The following SCN1A variants were observed in gnomAD, a reference collection of about 807,000 sequenced individuals.
SCN1A encodes sodium channel protein type 1 subunit alpha.
In SCN1A, 13 loss-of-function variants were observed where a neutral mutation model predicts 193.7. That is an observed-to-expected ratio of 0.07 (90% CI 0.04 to 0.11). The LOEUF (loss-of-function observed/expected upper bound fraction) is 0.11. Among genes scored for constraint, SCN1A ranks in the 10% least tolerant of loss-of-function variants. The pLI, the probability that SCN1A is intolerant of heterozygous loss-of-function variation, is 1.00. For missense variants in SCN1A, 1,432 were observed against 2,451.1 expected (o/e 0.58, Z 8.78); for synonymous variants, 781 against 843.6 (o/e 0.93, Z 1.29).
In SCN1A at chr2:165,994,422, G is replaced by T. The variant is rs1689727269; in HGVS notation, c.4582-6C>A. On this transcript the variant is annotated splice_region_variant and splice_polypyrimidine_tract_variant and intron_variant, in intron 27 of 28. Coordinates refer to ENST00000674923, the MANE Select transcript of SCN1A (RefSeq NM_001165963.4). ...ACCATTCCTTGAAATTTGTTCTGTA[G>T]AGAAATAGAAATGCTTTTAACAACA... 1 of 1,612,382 alleles carries T rather than the reference G, an allele frequency of 6.2e-7. No individual in the cohort carries two copies. The highest frequency in any genetic ancestry group is 1.3e-5 in the African/African-American group (1 of 74,918).
chr2:166,116,350 C>T (rs529469623), intron 2 of SCN1A, among the ~76,000 whole-genome samples: 2 of 152,284 alleles, frequency 1.3e-5, no homozygotes, highest in African/African-American at 4.8e-5. Context: ...TTATAATCCT[C>T]TGATTTGCTT....
At chr2:166,048,003 G>C (rs185314367) in intron 10 of SCN1A, among the ~76,000 whole-genome samples, 2 of 152,052 alleles carry the variant, frequency 1.3e-5, no homozygotes, top group African/African-American at 4.8e-5. Context: ...AATTTTTGTT[G>C]ATAATTTGCA....
At chr2:166,116,130 T>G (rs1689834627) in intron 2 of SCN1A, among the ~76,000 whole-genome samples, 1 of 152,200 alleles carries the variant, frequency 6.6e-6, no homozygotes, top group Non-Finnish European at 1.5e-5. Context: ...AATAACTGAA[T>G]AGCTTTTACT....
At chr2:166,017,622 T>A (rs757253653) in intron 19 of SCN1A, among the ~76,000 whole-genome samples, 1 of 152,018 alleles carries the variant, frequency 6.6e-6, no homozygotes, top group African/African-American at 2.4e-5. Context: ...ATAAAAACCA[T>A]GTGAGCAACA....
intron 2 of SCN1A, among the ~76,000 whole-genome samples, chr2:166,124,361 C>A (rs1031205052): frequency 6.6e-6 from 1 of 151,866 alleles, no homozygotes; most frequent in African/African-American, 2.4e-5. Flanking sequence ...CTAGCCGGGC[C>A]AACATAGTGA....
At position 166,073,378 on chromosome 2, in the gene SCN1A, G is replaced by T; in HGVS notation, c.244C>A (p.Pro82Thr). The T allele has an allele frequency of 6.2e-7, 1 of 1,613,906 alleles. No homozygotes were observed. The highest frequency in any genetic ancestry group is 8.5e-7 in the Non-Finnish European group (1 of 1,179,994). Residue 82 changes from proline (P) to threonine (T), a missense_variant, in exon 4 of 29, where the codon CCC becomes ACC. By Grantham distance (38) the Pro-to-Thr change is conservative (BLOSUM62 -1). Around this residue, in one of 18 missense-constraint regions of SCN1A, gnomAD observed 123 missense variants for 282.8 expected, o/e 0.43. Transcript: ENST00000674923. ...MVSEPLEDLDPYYINKKTFIV... is the reference protein window; with the variant it reads ...MVSEPLEDLDTYYINKKTFIV... Reference sequence around the variant, plus strand: ...CTCACTTTCTTATTGATATAGTAGGGGTCCAGGTCCTCCAGGGGCTCTGAC... The same window carrying T: ...CTCACTTTCTTATTGATATAGTAGGTGTCCAGGTCCTCCAGGGGCTCTGAC...
rs936068385 is a variant in SCN1A at position 165,986,287 on chromosome 2, T to C, written c.*4958A>G. 5 of 152,248 alleles carry C rather than the reference T, an allele frequency of 3.3e-5. No individual in the cohort carries two copies. The South Asian group carries it at 8.3e-4, about 25-fold the overall frequency. The allele number at this position is 152,248 out of a possible 1,614,324, so 9.4% of individuals were successfully genotyped here. ...ATTTTCTGGCTTAACTATAGACATATGAAAACCTTGTCATAAGGGTGCTGC... is the reference window on the plus strand; with the variant it reads ...ATTTTCTGGCTTAACTATAGACATACGAAAACCTTGTCATAAGGGTGCTGC... On this transcript the variant is annotated 3_prime_UTR_variant, in exon 29 of 29. Transcript: ENST00000674923.
Position 166,051,534 on chromosome 2 carries a change from A to T in SCN1A, c.964+185T>A, listed in dbSNP as rs73022800. 8.1e-3 allele frequency among the ~76,000 whole-genome samples: 1,229 copies of T among 151,840 alleles called. 18 individuals carry two copies. The highest frequency in any genetic ancestry group is 0.027 in the African/African-American group (1,137 of 41,430). ...CATTAGTTTTAAATTTTAAATTTTAATTTTTGTGGGTACATGGTAGGTGTT... is the reference window on the plus strand; with the variant it reads ...CATTAGTTTTAAATTTTAAATTTTATTTTTTGTGGGTACATGGTAGGTGTT... On this transcript the variant is annotated intron_variant, in intron 9 of 28. Coordinates refer to ENST00000674923, the MANE Select transcript of SCN1A (RefSeq NM_001165963.4).
chr2:166,129,564 C>G (rs1691559807), upstream of SCN1A, among the ~76,000 whole-genome samples: 1 of 152,142 alleles, frequency 6.6e-6, no homozygotes, highest in South Asian at 2.1e-4. Flanking sequence ...TGCCCAGTAT[C>G]TGGTAGAGTC....
chr2:165,995,912 A>C (rs1689965443), intron 27 of SCN1A, 101 bp downstream of exon 27: 2 of 810,700 alleles, frequency 2.5e-6, no homozygotes, highest in South Asian at 1.5e-5. Context: ...AAGTGAAAGA[A>C]ATTTTTTCTA....
At chr2:166,101,199 G>A (rs1310523797) in intron 2 of SCN1A, among the ~76,000 whole-genome samples, 3 of 151,584 alleles carry the variant, frequency 2.0e-5, no homozygotes, top group Admixed American at 6.6e-5. Flanking sequence ...ATGAGTTCAT[G>A]TCCTTTGTAG....
chr2:166,039,511 A>G lies in SCN1A; in HGVS notation c.2501T>C (p.Ile834Thr). The G allele has an allele frequency of 1.2e-6, 2 of 1,613,938 alleles. No individual in the cohort carries two copies. Among genetic ancestry groups the G allele is most frequent in the Non-Finnish European group, 1.7e-6 (2 of 1,179,912 alleles). Residue 834 changes from isoleucine to threonine, a missense_variant, in exon 17 of 29, where the codon ATC becomes ACC. Physicochemically the swap from Ile to Thr is moderately conservative, Grantham distance 89 (BLOSUM62 -1). Transcript: ENST00000674923. ...AAGCGTCACAATAAAACCGTCAAAG[A>G]TATTCCAGCCTTCTTGGAAATAATA... The part of the protein sequence containing the change: ...PYYYFQEGWN[I>T]FDGFIVTLSL...
intron 1 of SCN1A, among the ~76,000 whole-genome samples, chr2:166,134,949 CA>C: frequency 6.6e-6 from 1 of 152,252 alleles, no homozygotes; most frequent in East Asian, 1.9e-4. Flanking sequence ...AGAAAATAAA[CA>C]TAAATGCAAA....
intron 2 of SCN1A, among the ~76,000 whole-genome samples, chr2:166,095,063 CA>C (rs1283356281): frequency 6.6e-6 from 1 of 152,088 alleles, no homozygotes; most frequent in African/African-American, 2.4e-5. Context: ...AAATAGAAAA[CA>C]AACAAATAAG....
chr2:166,013,262 A>G (rs1366110019), intron 21 of SCN1A, among the ~76,000 whole-genome samples: 1 of 151,560 alleles, frequency 6.6e-6, no homozygotes, highest in Non-Finnish European at 1.5e-5. Context: ...AACTTTCATT[A>G]TTTCTTAAGT....
intron 1 of SCN1A, among the ~76,000 whole-genome samples, chr2:166,143,409 GC>G (rs1692178120): frequency 6.6e-6 from 1 of 151,732 alleles, no homozygotes; most frequent in Admixed American, 6.6e-5. Context: ...CTCATGATCT[GC>G]CCACCTCAGC....
At chr2:165,994,498 C>G (rs1689745624) in intron 27 of SCN1A, 82 bp from the exon 28 acceptor site, 2 of 1,349,300 alleles carry the variant, frequency 1.5e-6, no homozygotes, top group Admixed American at 3.6e-5. Context: ...CATTAATTGA[C>G]TTTCTAGTTT....
In SCN1A at chr2:166,073,513, G is replaced by A. The variant is rs1468825512; in HGVS notation, c.109C>T (p.Pro37Ser). 6.2e-7 allele frequency: 1 copy of A among 1,614,108 alleles called. No homozygotes were observed. The change falls in exon 4 of 29, where the codon CCC becomes TCC. Residue 37 changes from proline (P) to serine (S), a missense_variant. Transcript: ENST00000674923. The stretch of plus-strand genomic sequence containing the variant: ...TCGTCATCTTTTTTGTCTGGTTTGG[G>A]ATTCTTTGCCTTTTCTTCTGCAATG... ...RRIAEEKAKN[P>S]KPDKKDDDEN... is the part of the protein sequence containing the mutation.
At chr2:166,002,935 C>T (rs897016198) in intron 23 of SCN1A, 182 bp from the exon 24 acceptor site, 1 of 486,698 alleles carries the variant, frequency 2.1e-6, no homozygotes, top group African/African-American at 2.0e-5. Flanking sequence ...AAGCAATACA[C>T]TTAGGAAAAC....
Sources: allele counts gnomAD v4.1 joint callset (sites outside exome capture counted in the v4.1 genomes callset), GRCh38; gene constraint gnomAD v4.1.1; regional missense constraint gnomAD v4.1.1; transcripts MANE v1.5; gene names NCBI Gene and HGNC (gene_info 2026-07-23, HGNC 2026-07-21).